Variants in PLXNA4 observed in about 807,000 individuals in gnomAD.
PLXNA4 encodes plexin-A4.
A neutral mutation model predicts 191.8 loss-of-function variants in PLXNA4; 44 were observed. The ratio of observed to expected loss-of-function variants is 0.23; its 90% CI spans 0.18 to 0.29. The LOEUF is 0.29. PLXNA4 is among the 10% of genes least tolerant of loss of function. The probability of loss-of-function intolerance (pLI) is 1.00; values close to 1 mark genes in which losing one functional copy is unlikely to be tolerated. For synonymous variants in PLXNA4, 1,082 were observed against 1,009.5 expected, an observed-to-expected ratio of 1.07 and a Z score of -1.36; for missense variants, 1,800 against 2,488.8, an observed-to-expected ratio of 0.72 and a Z score of 5.89.
At chr7:132,203,258 G>A (rs1257461154) in intron 11 of PLXNA4, 65 bp downstream of exon 11, 18 of 1,444,116 alleles carry the variant, frequency 1.2e-5, no homozygotes, top group South Asian at 2.3e-5. Context: ...AATGCAGGAC[G>A]GCTCCTTCCC....
upstream of PLXNA4, among the ~76,000 whole-genome samples, chr7:132,580,074 C>T (rs980411986): frequency 3.9e-5 from 6 of 152,104 alleles, no homozygotes; most frequent in African/African-American, 9.7e-5. Flanking sequence ...CTGACACATT[C>T]GCCCCTTAGA....
At chr7:132,328,723 C>G (rs1593223) in intron 3 of PLXNA4, among the ~76,000 whole-genome samples, 1 of 152,152 alleles carries the variant, frequency 6.6e-6, no homozygotes, top group Non-Finnish European at 1.5e-5. Flanking sequence ...GATTTCCAGG[C>G]CCGGGCAAAC....
chr7:132,504,098 G>A (rs934396575), intron 2 of PLXNA4, among the ~76,000 whole-genome samples: 1 of 152,232 alleles, frequency 6.6e-6, no homozygotes, highest in Non-Finnish European at 1.5e-5. Flanking sequence ...GGCCACTCCT[G>A]GCCAACCAGC....
At chr7:132,167,542 AT>A (rs1271081840) in intron 22 of PLXNA4, among the ~76,000 whole-genome samples, 3 of 151,036 alleles carry the variant, frequency 2.0e-5, no homozygotes, top group South Asian at 2.1e-4. Context: ...TTATTTTTTA[AT>A]TTTTTTTTAG....
At chr7:132,581,306 G>C (rs1478416873), upstream of PLXNA4, among the ~76,000 whole-genome samples, 1 of 152,186 alleles carries the variant, frequency 6.6e-6, no homozygotes. Context: ...AGTTGAACTT[G>C]GTGGCTGGGT....
chr7:132,249,343 A>T (rs1799166949), intron 4 of PLXNA4, among the ~76,000 whole-genome samples: 1 of 152,238 alleles, frequency 6.6e-6, no homozygotes, highest in Non-Finnish European at 1.5e-5. Context: ...TATTAATAAG[A>T]ATAAATGCCT....
intron 1 of PLXNA4, among the ~76,000 whole-genome samples, chr7:132,563,524 T>C (rs1801481246): frequency 9.4e-6 from 1 of 106,850 alleles, no homozygotes; most frequent in Admixed American, 9.2e-5. Context: ...CTGCTGCTCC[T>C]CCTCCTCTTT....
chr7:132,451,252 C>T (rs527989478), intron 3 of PLXNA4, among the ~76,000 whole-genome samples: 10 of 152,258 alleles, frequency 6.6e-5, no homozygotes, highest in African/African-American at 1.2e-4. Flanking sequence ...TCTTAAGGAG[C>T]GGCTGGGTTA....
chr7:132,590,176 C>A (rs1269340731), intron 2 of PLXNA4, among the ~76,000 whole-genome samples: 3 of 152,148 alleles, frequency 2.0e-5, no homozygotes, highest in South Asian at 2.1e-4. Context: ...CTATATGAAC[C>A]AAGCCTGGTT....
chr7:132,517,230 A>G (rs1798977123), intron 1 of PLXNA4, among the ~76,000 whole-genome samples: 1 of 152,200 alleles, frequency 6.6e-6, no homozygotes, highest in African/African-American at 2.4e-5. Context: ...GCCATCAGCG[A>G]TGGATGACAT....
At chr7:132,372,424 CCCT>C (rs1804478928) in intron 3 of PLXNA4, among the ~76,000 whole-genome samples, 1 of 152,222 alleles carries the variant, frequency 6.6e-6, no homozygotes, top group South Asian at 2.1e-4. Context: ...TTGAAGGAGT[CCCT>C]CCTGTTCCTT....
At chr7:132,179,219 T>C (rs1172727848) in intron 20 of PLXNA4, among the ~76,000 whole-genome samples, 16 of 100,704 alleles carry the variant, frequency 1.6e-4, no homozygotes, top group African/African-American at 6.0e-4. Flanking sequence ...ATGAAACACA[T>C]ACACATACAC....
intron 2 of PLXNA4, among the ~76,000 whole-genome samples, chr7:132,629,347 G>T (rs1483536568): frequency 6.6e-6 from 1 of 152,194 alleles, no homozygotes; most frequent in East Asian, 1.9e-4. Flanking sequence ...CTGCACTAAA[G>T]TCATAGATAG....
At chr7:132,359,335 C>A (rs1324746761) in intron 3 of PLXNA4, among the ~76,000 whole-genome samples, 1 of 151,458 alleles carries the variant, frequency 6.6e-6, no homozygotes, top group Admixed American at 6.6e-5. Flanking sequence ...GTTCTCCTGC[C>A]TCAGCCTCCT....
intron 2 of PLXNA4, among the ~76,000 whole-genome samples, chr7:132,599,993 C>G (rs1585396560): frequency 6.6e-6 from 1 of 152,160 alleles, no homozygotes; most frequent in East Asian, 1.9e-4. Context: ...ATAGATTTTT[C>G]TTTTGTTAAA....
At chr7:132,613,683 G>C (rs1483982446) in intron 2 of PLXNA4, among the ~76,000 whole-genome samples, 2 of 152,130 alleles carry the variant, frequency 1.3e-5, no homozygotes, top group Non-Finnish European at 2.9e-5. Context: ...TTCTTGCACA[G>C]ACTTAATATT....
At chr7:132,496,710 T>C (rs1239058339) in intron 2 of PLXNA4, among the ~76,000 whole-genome samples, 1 of 152,156 alleles carries the variant, frequency 6.6e-6, no homozygotes, top group Non-Finnish European at 1.5e-5. Context: ...AAAAAACTGA[T>C]CTTAAGCACG....
intron 3 of PLXNA4, among the ~76,000 whole-genome samples, chr7:132,311,682 C>T (rs994495809): frequency 8.5e-5 from 13 of 152,194 alleles, no homozygotes; most frequent in Admixed American, 2.6e-4. Flanking sequence ...CCACACATCT[C>T]TCCAGCACAG....
At chr7:132,336,294 T>C (rs964360525) in intron 3 of PLXNA4, among the ~76,000 whole-genome samples, 5 of 152,324 alleles carry the variant, frequency 3.3e-5, no homozygotes, top group African/African-American at 1.2e-4. Context: ...ATTGAGCTAA[T>C]GGGTTTTAGT....
Sources: gnomAD v4.1 joint callset for allele counts (sites outside exome capture counted in the v4.1 genomes callset) on GRCh38, gnomAD v4.1.1 for gene constraint, MANE v1.5 for transcripts, NCBI Gene and HGNC (gene_info 2026-07-23, HGNC 2026-07-21) for gene names.